The following NUFIP1 variants were observed in gnomAD, a reference collection of about 807,000 sequenced individuals.
NUFIP1 encodes the protein FMR1-interacting protein NUFIP1.
A neutral mutation model predicts 56.2 loss-of-function variants in NUFIP1; 38 were observed. That is an observed-to-expected ratio of 0.68 (90% CI 0.52 to 0.89). NUFIP1 has a LOEUF of 0.89. NUFIP1 is among the 40% of genes least tolerant of loss of function. The pLI is 0.00. For synonymous variants in NUFIP1, 215 were observed against 212.4 expected (o/e 1.01, Z -0.10); for missense variants, 567 against 605.8 (o/e 0.94, Z 0.67).
intron 5 of NUFIP1, among the ~76,000 whole-genome samples, chr13:44,966,846 G>A (rs751344359): frequency 6.6e-5 from 10 of 151,738 alleles, no homozygotes; most frequent in Non-Finnish European, 1.2e-4. Context: ...GGTGGCGGGC[G>A]CCTGTAATCC....
chr13:44,975,488 A>G (rs1220650343), intron 5 of NUFIP1, among the ~76,000 whole-genome samples: 1 of 152,044 alleles, frequency 6.6e-6, no homozygotes, highest in Non-Finnish European at 1.5e-5. Context: ...CAATCATTTA[A>G]TCCCCAAACA....
chr13:44,988,272 T>C lies in NUFIP1; in HGVS notation c.412+753A>G, dbSNP rs55663871. On this transcript the variant is annotated intron_variant, in intron 1 of 9. Coordinates refer to ENST00000379161, the MANE Select transcript of NUFIP1 (RefSeq NM_012345.3). ...CCTTTCTACTAAAAATATAAAAAATTAGCCGGGTGTGGTGGCGTGGGCCTG... is the reference window on the plus strand; with the variant it reads ...CCTTTCTACTAAAAATATAAAAAATCAGCCGGGTGTGGTGGCGTGGGCCTG... Among the ~76,000 whole-genome samples, 1,264 of 152,220 alleles carry C rather than the reference T, an allele frequency of 8.3e-3. 16 individuals are homozygous for C. Among genetic ancestry groups the C allele is most frequent in the African/African-American group, 0.029 (1,193 of 41,534 alleles).
intron 6 of NUFIP1, among the ~76,000 whole-genome samples, chr13:44,961,976 G>A (rs777547931): frequency 7.3e-4 from 111 of 152,060 alleles, no homozygotes; most frequent in Non-Finnish European, 1.5e-3. Context: ...GTTATACCAC[G>A]ACTTGACAAT....
chr13:44,971,908 T>A lies in NUFIP1; in HGVS notation c.735-5972A>T, dbSNP rs530163407. 4.4e-3 allele frequency among the ~76,000 whole-genome samples: 389 copies of A among 88,080 alleles called. 3 individuals are homozygous for A. The highest frequency in any genetic ancestry group is 9.6e-3 in the African/African-American group (378 of 39,358). 57.8% of individuals were successfully genotyped at this position (88,080 alleles called of 152,430 possible). On this transcript the variant is annotated intron_variant, in intron 5 of 9. Transcript: ENST00000379161. ...GTCATGCAGCAACAGCAGCCCTGGA[T>A]TTATTTTTTTTTTAACCTTGGGAAA...
Position 44,989,445 on chromosome 13 carries a change from C to T in NUFIP1, c.-9G>A. ...CTAGTCGGCTCAGCCATACCACTGG[C>T]GGGTCCGGAGTCTAGCACGCGACTG... On this transcript the variant is annotated 5_prime_UTR_variant, in exon 1 of 10. Transcript: ENST00000379161. 7 of 1,611,594 alleles carry T rather than the reference C, an allele frequency of 4.3e-6. No individual in the cohort carries two copies. The highest frequency in any genetic ancestry group is 5.9e-6 in the Non-Finnish European group (7 of 1,178,836).
rs1593355920 is a variant in NUFIP1 at position 44,943,730 on chromosome 13, A to G, written c.1139-56T>C. On this transcript the variant is annotated intron_variant, in intron 8 of 9. Coordinates refer to ENST00000379161, the MANE Select transcript of NUFIP1 (RefSeq NM_012345.3). Reference sequence around the variant, plus strand: ...AAACAAAACAAAACAAAACAGGTAGACCTTTCAAAAGCAACCAACAAATCC... The same window carrying G: ...AAACAAAACAAAACAAAACAGGTAGGCCTTTCAAAAGCAACCAACAAATCC... 14 of 1,360,670 alleles carry G rather than the reference A, an allele frequency of 1.0e-5. No individual in the cohort carries two copies. The East Asian group carries it at 3.0e-4, about 29-fold the overall frequency. The allele number at this position is 1,360,670 out of a possible 1,614,324, so 84.3% of individuals were successfully genotyped here. A position where few individuals can be genotyped will look rare whatever the true frequency, so the allele number is the denominator to read the frequency against.
intron 6 of NUFIP1, among the ~76,000 whole-genome samples, chr13:44,961,052 G>GAAAAA (rs975537873): frequency 1.5e-4 from 8 of 53,546 alleles, no homozygotes; most frequent in Admixed American, 4.0e-4. Flanking sequence ...TCTGTCTCCA[G>GAAAAA]AAAAAAAAAA....
rs1299863705 is a variant in NUFIP1 at position 44,940,327 on chromosome 13, G to T, written c.*879C>A. ...TGGAGAGGATTTTACCAACATGGAGGAGCTATCAGCTTTCTTACCTTTCTT... is the reference window on the plus strand; with the variant it reads ...TGGAGAGGATTTTACCAACATGGAGTAGCTATCAGCTTTCTTACCTTTCTT... On this transcript the variant is annotated 3_prime_UTR_variant, in exon 10 of 10. Transcript: ENST00000379161. 1 of 152,200 alleles carries T rather than the reference G, an allele frequency of 6.6e-6. No homozygotes were observed. The highest frequency in any genetic ancestry group is 1.5e-5 in the Non-Finnish European group (1 of 68,030). The allele number at this position is 152,200 out of a possible 1,614,324, so 9.4% of individuals were successfully genotyped here.
chr13:44,967,822 T>C (rs867357216), intron 5 of NUFIP1, among the ~76,000 whole-genome samples: 6 of 152,086 alleles, frequency 3.9e-5, no homozygotes, highest in Non-Finnish European at 8.8e-5. Flanking sequence ...GGCAATAGAT[T>C]CTAGGAGTAT....
chr13:44,942,519 G>A lies in NUFIP1; in HGVS notation c.1371+923C>T, dbSNP rs530825665. Among the ~76,000 whole-genome samples the A allele has an allele frequency of 1.7e-3, 258 of 152,282 alleles. 1 individual carries two copies. Among genetic ancestry groups the A allele is most frequent in the Middle Eastern group, 6.8e-3 (2 of 294 alleles). On this transcript the variant is annotated intron_variant, in intron 9 of 9. Transcript: ENST00000379161. ...GTGCTACATGTAGCACCTCAAGAGT[G>A]TAGCCACTGAACACTTTAGCTACAA...
intron 1 of NUFIP1, among the ~76,000 whole-genome samples, chr13:44,982,384 G>A (rs1872225656): frequency 6.6e-6 from 1 of 152,104 alleles, no homozygotes; most frequent in African/African-American, 2.4e-5. Flanking sequence ...AGAAACTTTA[G>A]GCGTCAAAGT....
intron 5 of NUFIP1, among the ~76,000 whole-genome samples, chr13:44,967,812 G>T (rs994880882): frequency 6.6e-6 from 1 of 152,066 alleles, no homozygotes; most frequent in Non-Finnish European, 1.5e-5. Context: ...TCAGGAAGAG[G>T]GCAATAGATT....
intron 8 of NUFIP1, among the ~76,000 whole-genome samples, chr13:44,949,197 G>GTTTTTT (rs1285558068): frequency 1.2e-5 from 1 of 81,938 alleles, no homozygotes; most frequent in African/African-American, 4.9e-5. Context: ...TCATTATATT[G>GTTTTTT]TATTTTTTTT....
intron 1 of NUFIP1, among the ~76,000 whole-genome samples, chr13:44,983,497 A>T (rs941930788): frequency 6.6e-6 from 1 of 152,104 alleles, no homozygotes; most frequent in Non-Finnish European, 1.5e-5. Flanking sequence ...AATAAAAAAA[A>T]AAAAAAAGTT....
rs1870719428 is a variant in NUFIP1 at position 44,941,156 on chromosome 13, G to A, written c.*50C>T. ...GTTTTGGTTTTCCTCTACTAACGAGGATGATACTGTTTCACATGCTTCAGT... is the reference window on the plus strand; with the variant it reads ...GTTTTGGTTTTCCTCTACTAACGAGAATGATACTGTTTCACATGCTTCAGT... On this transcript the variant is annotated 3_prime_UTR_variant, in exon 10 of 10. Transcript: ENST00000379161. 4 of 940,488 alleles carry A rather than the reference G, an allele frequency of 4.3e-6. No individual in the cohort carries two copies. In the Admixed American group the frequency reaches 9.2e-5, roughly 22 times the overall value. 58.3% of individuals were successfully genotyped at this position (940,488 alleles called of 1,614,324 possible).
intron 5 of NUFIP1, among the ~76,000 whole-genome samples, chr13:44,977,155 A>G (rs1456350374): frequency 6.6e-6 from 1 of 152,226 alleles, no homozygotes; most frequent in African/African-American, 2.4e-5. Flanking sequence ...CCCACACTAC[A>G]CTGTTTAAGT....
Position 44,980,815 on chromosome 13 carries a change from T to C in NUFIP1, c.501A>G (p.Arg167=), listed in dbSNP as rs548002576. The C allele has an allele frequency of 4.4e-6, 7 of 1,590,976 alleles. No homozygotes were observed. The highest frequency in any genetic ancestry group is 4.5e-5 in the East Asian group (2 of 44,666). Residue 167 remains arginine (R), a synonymous_variant, in exon 3 of 10, where the codon AGA becomes AGG. Coordinates refer to ENST00000379161, the MANE Select transcript of NUFIP1 (RefSeq NM_012345.3). ...AAAAAAAGTGAAAAACTGGTTCCTT[T>C]CTTTTCTGCAAACAAAAACAGAGAG... The part of the protein sequence containing the change: ...PPSRKQKKKK[R]KEPVFHFFCD...
intron 5 of NUFIP1, among the ~76,000 whole-genome samples, chr13:44,967,217 T>C (rs1871635242): frequency 6.6e-6 from 1 of 151,798 alleles, no homozygotes; most frequent in Non-Finnish European, 1.5e-5. Context: ...GGCCAAACAA[T>C]GCAAACAAAC....
chr13:44,964,780 T>A (rs1871543622), intron 6 of NUFIP1, among the ~76,000 whole-genome samples: 1 of 152,120 alleles, frequency 6.6e-6, no homozygotes, highest in Admixed American at 6.5e-5. Context: ...GAGTCATAAC[T>A]AGGGCCTGTT....
Sources: allele counts gnomAD v4.1 joint callset (sites outside exome capture counted in the v4.1 genomes callset), GRCh38; gene constraint gnomAD v4.1.1; transcripts MANE v1.5; gene names NCBI Gene and HGNC (gene_info 2026-07-23, HGNC 2026-07-21).